Variants in LSS observed in about 807,000 individuals in gnomAD.
The protein encoded by LSS is 2,3-epoxysqualene-lanosterol cyclase.
In LSS, 90 loss-of-function variants were observed where a neutral mutation model predicts 110.3. That is an observed-to-expected ratio of 0.82 (90% CI 0.69 to 0.97). The LOEUF (loss-of-function observed/expected upper bound fraction) is 0.97. Ranked by LOEUF, LSS falls within the 50% of genes least tolerant of loss-of-function variation. The pLI is 0.00. For missense variants in LSS, 927 were observed against 990.0 expected, an observed-to-expected ratio of 0.94 and a Z score of 0.85; for synonymous variants, 433 against 400.0, an observed-to-expected ratio of 1.08 and a Z score of -0.98.
chr21:46,198,282 A>G (rs1238565440), intron 17 of LSS, among the ~76,000 whole-genome samples: 3 of 141,558 alleles, frequency 2.1e-5, no homozygotes, highest in Non-Finnish European at 1.5e-5. Context: ...AAAAAAAAAA[A>G]GGGTCAGTTG....
chr21:46,227,003 G>C (rs1259008466), intron 3 of LSS, among the ~76,000 whole-genome samples: 2 of 152,222 alleles, frequency 1.3e-5, no homozygotes, highest in Non-Finnish European at 1.5e-5. Context: ...ATTCATAGGA[G>C]GGAATTTCCC....
chr21:46,205,409 G>A (rs1389191545), intron 17 of LSS, among the ~76,000 whole-genome samples: 9 of 152,190 alleles, frequency 5.9e-5, no homozygotes, highest in South Asian at 2.1e-4. Context: ...GGGCGGCCCC[G>A]TCATGGGGCG....
At chr21:46,200,682 G>A (rs373022671) in intron 17 of LSS, among the ~76,000 whole-genome samples, 80 of 152,322 alleles carry the variant, frequency 5.3e-4, no homozygotes, top group African/African-American at 1.8e-3. Context: ...GGGTGTCAAT[G>A]TGATAACTAA....
intron 6 of LSS, 22 bp downstream of exon 6, chr21:46,219,454 A>AC: frequency 6.4e-7 from 1 of 1,554,888 alleles, no homozygotes; most frequent in Non-Finnish European, 8.7e-7. Flanking sequence ...CGACCCAACA[A>AC]CCCAATCAAC....
chr21:46,199,255 C>T (rs1464177998), intron 17 of LSS, among the ~76,000 whole-genome samples: 5 of 152,084 alleles, frequency 3.3e-5, no homozygotes, highest in Admixed American at 1.3e-4. Flanking sequence ...ACACAGATGG[C>T]AAATAACTAT....
Position 46,209,741 on chromosome 21 carries a change from C to G in LSS, c.1195-116G>C. 3.8e-6 allele frequency: 3 copies of G among 797,392 alleles called. No homozygotes were observed. The Admixed American group carries it at 6.8e-5, about 18-fold the overall frequency. The allele number at this position is 797,392 out of a possible 1,614,324, so 49.4% of individuals were successfully genotyped here. On this transcript the variant is annotated intron_variant, in intron 12 of 21. Coordinates refer to ENST00000397728, the MANE Select transcript of LSS (RefSeq NM_002340.6). The surrounding 1 kb of genome is among the most constrained non-coding windows in gnomAD (Gnocchi z 4.4). Reference sequence around the variant, plus strand: ...CCCCAACCGGGGACCAGAATCAAACCAGCAGACATCTCCAGAGAGTGCCAG... The same window carrying G: ...CCCCAACCGGGGACCAGAATCAAACGAGCAGACATCTCCAGAGAGTGCCAG...
At chr21:46,196,695 A>G (rs959959165) in intron 17 of LSS, among the ~76,000 whole-genome samples, 1 of 152,256 alleles carries the variant, frequency 6.6e-6, no homozygotes, top group Non-Finnish European at 1.5e-5. Flanking sequence ...GTTCTCTGAA[A>G]AGGCCAGAGC....
At chr21:46,192,312 G>C in intron 20 of LSS, 1 of 420,018 alleles carries the variant, frequency 2.4e-6, no homozygotes, top group Non-Finnish European at 4.5e-6. Flanking sequence ...TTGCTTGCTG[G>C]CCAGGATAAG....
chr21:46,227,806 G>C, intron 2 of LSS, 116 bp from the exon 3 acceptor site: 1 of 1,185,122 alleles, frequency 8.4e-7, no homozygotes, highest in Non-Finnish European at 1.2e-6. Flanking sequence ...TACTTTAAAA[G>C]TTTCAGCTGT....
chr21:46,206,382 A>G (rs1209045179), intron 16 of LSS, among the ~76,000 whole-genome samples: 1 of 152,188 alleles, frequency 6.6e-6, no homozygotes, highest in Non-Finnish European at 1.5e-5. Flanking sequence ...ACAGAACACA[A>G]GCCCTGTGGA....
At position 46,189,641 on chromosome 21, in the gene LSS, A is replaced by G. The variant is rs539110792; in HGVS notation, c.*1463T>C. 2.2e-6 allele frequency: 1 copy of G among 455,994 alleles called. No individual in the cohort carries two copies. The highest frequency in any genetic ancestry group is 4.4e-6 in the Non-Finnish European group (1 of 226,846). The allele number at this position is 455,994 out of a possible 1,614,324, so 28.2% of individuals were successfully genotyped here. The stretch of plus-strand genomic sequence containing the variant: ...TGCCCCTGAAGGACTCTGGGCAGGC[A>G]ATGACAGGATCTGAGGGTGTCCAGA... On this transcript the variant is annotated 3_prime_UTR_variant, in exon 22 of 22. Coordinates refer to ENST00000397728, the MANE Select transcript of LSS (RefSeq NM_002340.6).
Position 46,213,800 on chromosome 21 carries a change from A to G in LSS, c.1047T>C (p.Tyr349=). ...AGGCAGTGGAGGCGGGCCCGTCCAC[A>G]TACCAGCGCACAAGCATGTTGATGG... ...SKTINMLVRW[Y]VDGPASTAFQ... The change falls in exon 10 of 22, where the codon TAT becomes TAC. Residue 349 remains tyrosine, a synonymous_variant. Transcript: ENST00000397728. 6.2e-7 allele frequency: 1 copy of G among 1,614,080 alleles called. No homozygotes were observed. Among genetic ancestry groups the G allele is most frequent in the South Asian group, 1.1e-5 (1 of 91,070 alleles).
At chr21:46,217,911 G>A (rs2080227491) in intron 6 of LSS, among the ~76,000 whole-genome samples, 1 of 152,170 alleles carries the variant, frequency 6.6e-6, no homozygotes, top group African/African-American at 2.4e-5. Flanking sequence ...TCAGGTAGCG[G>A]CACCCTAACC....
chr21:46,212,991 A>C (rs1322981063), intron 11 of LSS, 34 bp downstream of exon 11: 1 of 1,613,382 alleles, frequency 6.2e-7, no homozygotes, highest in East Asian at 2.2e-5. Context: ...ATGATTGCAA[A>C]GGAAGCATGC....
rs758411516 is a variant in LSS at position 46,213,016 on chromosome 21, A to G, written c.1137+9T>C. ...AGGAAGCATGCAGCCGCAGTCCCGC[A>G]GCCCTTACCTGCATTTTCATGCCGT... is the stretch of plus-strand genomic sequence containing the variant. On this transcript the variant is annotated intron_variant, in intron 11 of 21. Transcript: ENST00000397728. 1.2e-5 allele frequency: 20 copies of G among 1,613,950 alleles called. No homozygotes were observed. The African/African-American group carries it at 2.5e-4, about 20-fold the overall frequency.
Position 46,216,342 on chromosome 21 carries a change from G to T in LSS, c.783+47C>A. The T allele has an allele frequency of 6.2e-7, 1 of 1,611,968 alleles. No individual in the cohort carries two copies. Among genetic ancestry groups the T allele is most frequent in the East Asian group, 2.2e-5 (1 of 44,878 alleles). Reference sequence around the variant, plus strand: ...GATTCCAGAAGCCCCAGGCCCTGTGGGTCCCAGCCCCAGAGGCCTTCACTT... The same window carrying T: ...GATTCCAGAAGCCCCAGGCCCTGTGTGTCCCAGCCCCAGAGGCCTTCACTT... On this transcript the variant is annotated intron_variant, in intron 7 of 21. Coordinates refer to ENST00000397728, the MANE Select transcript of LSS (RefSeq NM_002340.6). This position sits in a 1 kb window ranked among gnomAD's most constrained non-coding sequence, Gnocchi z 4.2.
intron 17 of LSS, among the ~76,000 whole-genome samples, chr21:46,203,622 C>A (rs1383649891): frequency 6.6e-6 from 1 of 152,250 alleles, no homozygotes; most frequent in Non-Finnish European, 1.5e-5. Flanking sequence ...CTGAGGACAA[C>A]TCACGCCCAC....
rs769252089 is a variant in LSS at position 46,222,750 on chromosome 21, G to A, written c.320-12C>T. On this transcript the variant is annotated splice_polypyrimidine_tract_variant and intron_variant, in intron 3 of 21. Transcript: ENST00000397728. Reference sequence around the variant, plus strand: ...AGTGATCAGGAGGCCTGTGTGGCAGGAGAGATGTTCCTCACTGGGGACAGG... The same window carrying A: ...AGTGATCAGGAGGCCTGTGTGGCAGAAGAGATGTTCCTCACTGGGGACAGG... The A allele has an allele frequency of 2.5e-5, 40 of 1,605,950 alleles. No individual in the cohort carries two copies. Among genetic ancestry groups the A allele is most frequent in the Non-Finnish European group, 3.2e-5 (38 of 1,173,570 alleles).
chr21:46,222,175 A>C (rs1601448752), intron 4 of LSS, 200 bp from the exon 5 acceptor site: 1 of 548,874 alleles, frequency 1.8e-6, no homozygotes, highest in South Asian at 2.6e-5. Flanking sequence ...TGAGCCCCCC[A>C]CTCCTTCCTC....
Sources: allele counts gnomAD v4.1 joint callset (sites outside exome capture counted in the v4.1 genomes callset), GRCh38; gene constraint gnomAD v4.1.1; non-coding constraint Gnocchi (gnomAD v3.1); transcripts MANE v1.5; gene names NCBI Gene and HGNC (gene_info 2026-07-23, HGNC 2026-07-21).